The following EFCAB5 variants were observed in gnomAD, a reference collection of about 807,000 sequenced individuals.
EFCAB5 encodes EF-hand calcium-binding domain-containing protein 5.
EFCAB5 carries 131 observed loss-of-function variants against 167.9 expected under a neutral mutation model. The ratio of observed to expected loss-of-function variants is 0.78; its 90% confidence interval spans 0.68 to 0.90. The LOEUF is 0.90. Among genes scored for constraint, EFCAB5 ranks in the 40% least tolerant of loss-of-function variants. The pLI is 0.00. For synonymous variants in EFCAB5, 574 were observed against 602.8 expected (o/e 0.95, Z 0.70); for missense variants, 1,663 against 1,745.2 (o/e 0.95, Z 0.84).
chr17:30,012,968 G>A (rs1401690931), intron 7 of EFCAB5, among the ~76,000 whole-genome samples: 1 of 152,148 alleles, frequency 6.6e-6, no homozygotes, highest in East Asian at 1.9e-4. Flanking sequence ...ATTATTTTGA[G>A]ATACATCCCA....
At chr17:30,096,675 A>AT (rs1411827299) in intron 22 of EFCAB5, among the ~76,000 whole-genome samples, 2,750 of 71,562 alleles carry the variant, frequency 0.038, 74 homozygotes, top group South Asian at 0.053. Flanking sequence ...ATATATATAT[A>AT]TATTTTTTTT....
upstream of EFCAB5, among the ~76,000 whole-genome samples, chr17:29,940,223 C>T (rs1313005291): frequency 6.6e-6 from 1 of 152,116 alleles, no homozygotes; most frequent in East Asian, 1.9e-4. Flanking sequence ...TCACAGGCAC[C>T]TGCCAACACA....
chr17:30,047,272 C>T (rs1190377931), intron 8 of EFCAB5, among the ~76,000 whole-genome samples: 2 of 152,138 alleles, frequency 1.3e-5, no homozygotes, highest in African/African-American at 2.4e-5. Flanking sequence ...TATGTAGCCT[C>T]TATATGTGCA....
chr17:29,993,045 A>G lies in EFCAB5; in HGVS notation c.768-120A>G, dbSNP rs542837144. The G allele has an allele frequency of 2.4e-5, 26 of 1,094,930 alleles. No individual in the cohort carries two copies. The South Asian group carries it at 5.1e-4, about 21-fold the overall frequency. The allele number at this position is 1,094,930 out of a possible 1,614,324, so 67.8% of individuals were successfully genotyped here. A position where few individuals can be genotyped will look rare whatever the true frequency, so the allele number is the denominator to read the frequency against. The stretch of plus-strand genomic sequence containing the variant: ...AAGGGCTCACTACAGGCCTGAATCA[A>G]AGATTTTATGGAGAAAAGACAGGCA... On this transcript the variant is annotated intron_variant, in intron 4 of 22. Coordinates refer to ENST00000394835, the MANE Select transcript of EFCAB5 (RefSeq NM_198529.4).
intron 12 of EFCAB5, among the ~76,000 whole-genome samples, chr17:30,056,830 G>A (rs956386931): frequency 2.6e-5 from 4 of 152,096 alleles, no homozygotes; most frequent in Non-Finnish European, 5.9e-5. Context: ...GAAAATGCAT[G>A]GCATTGGTCA....
upstream of EFCAB5, among the ~76,000 whole-genome samples, chr17:29,937,912 G>C (rs1003736561): frequency 1.3e-5 from 2 of 152,152 alleles, no homozygotes; most frequent in African/African-American, 4.8e-5. Context: ...GAAAAACCTG[G>C]ATATTCCTTT....
chr17:30,034,991 A>G (rs1567729296), intron 8 of EFCAB5, among the ~76,000 whole-genome samples: 2 of 152,226 alleles, frequency 1.3e-5, no homozygotes, highest in African/African-American at 4.8e-5. Flanking sequence ...TTAAACAATG[A>G]CTTTTTTAGG....
intron 22 of EFCAB5, among the ~76,000 whole-genome samples, chr17:30,101,688 C>T (rs1294938335): frequency 1.3e-5 from 2 of 152,152 alleles, no homozygotes; most frequent in African/African-American, 4.8e-5. Flanking sequence ...AGAGACGATT[C>T]TGAATGTTTT....
chr17:30,052,558 G>T (rs576669591), intron 9 of EFCAB5, among the ~76,000 whole-genome samples: 1 of 152,306 alleles, frequency 6.6e-6, no homozygotes, highest in East Asian at 1.9e-4. Context: ...TCTGAAAATT[G>T]TGAGAATTGC....
chr17:30,003,512 C>A (rs867418657), intron 7 of EFCAB5, among the ~76,000 whole-genome samples: 1 of 148,960 alleles, frequency 6.7e-6, no homozygotes, highest in Non-Finnish European at 1.5e-5. Context: ...GGATTATAGG[C>A]GTGAGCCACT....
At chr17:30,042,801 T>C (rs1235037829) in intron 8 of EFCAB5, among the ~76,000 whole-genome samples, 1 of 152,192 alleles carries the variant, frequency 6.6e-6, no homozygotes, top group Admixed American at 6.5e-5. Flanking sequence ...GGGGCCAGCA[T>C]TATTTTGATA....
rs1472492622 is a variant in EFCAB5, at chr17:30,055,926, GA to G, written c.2235del (p.Glu745AspfsTer7). 70 of 1,613,468 alleles carry G rather than the reference GA, an allele frequency of 4.3e-5. No homozygotes were observed. The highest frequency in any genetic ancestry group is 5.9e-5 in the Non-Finnish European group (70 of 1,179,768). On this transcript the variant is annotated frameshift_variant, in exon 11 of 23. Transcript: ENST00000394835. LOFTEE classifies it high-confidence loss of function. ...KKEVQKDKPCEPKSQKIEGKS... is the reference protein window; with the variant it reads ...KKEVQKDKPCXPKSQKIEGKS... ...GGAAGTTCAGAAAGACAAGCCCTGT[GA>G]ACCCAAGTCCCAAAAAATAGAAGGA... is the stretch of plus-strand genomic sequence containing the variant.
intron 14 of EFCAB5, among the ~76,000 whole-genome samples, chr17:30,068,251 G>C (rs1159834601): frequency 6.6e-6 from 1 of 151,870 alleles, no homozygotes; most frequent in Non-Finnish European, 1.5e-5. Context: ...GCAGTGAGCT[G>C]AGATGGCGCC....
At chr17:30,015,786 T>A (rs2069024945) in intron 7 of EFCAB5, among the ~76,000 whole-genome samples, 1 of 145,386 alleles carries the variant, frequency 6.9e-6, no homozygotes, top group Non-Finnish European at 1.5e-5. Context: ...TCTTTTGAGG[T>A]GGAGTCTCGC....
At chr17:29,935,300 T>C (rs1349160985) in intron 1 of EFCAB5, among the ~76,000 whole-genome samples, 1 of 152,172 alleles carries the variant, frequency 6.6e-6, no homozygotes, top group Non-Finnish European at 1.5e-5. Flanking sequence ...GCCTCATGCC[T>C]GTAAGTCCAG....
At chr17:30,011,049 A>G (rs1043071897) in intron 7 of EFCAB5, among the ~76,000 whole-genome samples, 1 of 152,208 alleles carries the variant, frequency 6.6e-6, no homozygotes, top group Non-Finnish European at 1.5e-5. Flanking sequence ...TTTATTAAAT[A>G]GGGAATCCTT....
rs1415470030 is a variant in EFCAB5 at position 29,969,060 on chromosome 17, G to T, written c.460G>T (p.Asp154Tyr). ...EKKAEKKLPRDNLAKEWFNTD... is the reference protein window; with the variant it reads ...EKKAEKKLPRYNLAKEWFNTD... Reference sequence around the variant, plus strand: ...AAAGGCTGAAAAAAAACTCCCTAGGGATAATTTGGCCAAAGAGTGGTTTAA... The same window carrying T: ...AAAGGCTGAAAAAAAACTCCCTAGGTATAATTTGGCCAAAGAGTGGTTTAA... The change falls in exon 4 of 23, where the codon GAT becomes TAT. Residue 154 changes from aspartate to tyrosine, a missense_variant. Asp to Tyr is a radical substitution (Grantham distance 160). Coordinates refer to ENST00000394835, the MANE Select transcript of EFCAB5 (RefSeq NM_198529.4). 1.2e-6 allele frequency: 2 copies of T among 1,609,994 alleles called. No homozygotes were observed. The highest frequency in any genetic ancestry group is 2.2e-5 in the South Asian group (2 of 89,666).
Position 30,103,740 on chromosome 17 carries a change from C to T in EFCAB5, c.4322-4094C>T, listed in dbSNP as rs1164412984. ...ATTGAAATTTGCATATATGACCGGG[C>T]GCAGTGGCTCACACCTGTAATCCCA... On this transcript the variant is annotated intron_variant, in intron 22 of 22. Coordinates refer to ENST00000394835, the MANE Select transcript of EFCAB5 (RefSeq NM_198529.4). 1.2e-4 allele frequency among the ~76,000 whole-genome samples: 19 copies of T among 152,096 alleles called. No individual in the cohort carries two copies. The East Asian group carries it at 2.1e-3, about 17-fold the overall frequency.
At chr17:29,932,767 T>A (rs184340652) in intron 1 of EFCAB5, among the ~76,000 whole-genome samples, 1 of 152,246 alleles carries the variant, frequency 6.6e-6, no homozygotes, top group Admixed American at 6.5e-5. Flanking sequence ...CATCATTCTT[T>A]TTCTTAATAG....
Sources: gnomAD v4.1 joint callset for allele counts (sites outside exome capture counted in the v4.1 genomes callset) on GRCh38, gnomAD v4.1.1 for gene constraint, MANE v1.5 for transcripts, NCBI Gene and HGNC (gene_info 2026-07-23, HGNC 2026-07-21) for gene names.